SMAD3: variants seen among roughly 807,000 people sequenced by gnomAD.
SMAD3 encodes SMAD family member 3.
In SMAD3, 12 loss-of-function variants were observed where a neutral mutation model predicts 51.8. That is an observed-to-expected ratio of 0.23 (90% CI 0.15 to 0.38). The LOEUF (loss-of-function observed/expected upper bound fraction) is 0.38. Ranked by LOEUF, SMAD3 falls within the 10% of genes least tolerant of loss-of-function variation. The pLI, the probability that SMAD3 is intolerant of heterozygous loss-of-function variation, is 1.00. For synonymous variants in SMAD3, 238 were observed against 227.7 expected (o/e 1.05, Z -0.41); for missense variants, 294 against 565.6 (o/e 0.52, Z 4.87).
intron 1 of SMAD3, among the ~76,000 whole-genome samples, chr15:67,103,326 T>G (rs1380938436): frequency 1.3e-5 from 2 of 152,200 alleles, no homozygotes; most frequent in African/African-American, 4.8e-5. Context: ...GGGACTCACT[T>G]CACATCACTC....
intron 7 of SMAD3, chr15:67,186,990 T>A (rs1312466702): frequency 4.4e-6 from 2 of 459,266 alleles, no homozygotes; most frequent in East Asian, 1.3e-4. Context: ...AGGTCCCTTA[T>A]CTCTCTGTCC....
At chr15:67,100,839 T>C (rs1009094023) in intron 1 of SMAD3, among the ~76,000 whole-genome samples, 1 of 152,192 alleles carries the variant, frequency 6.6e-6, no homozygotes, top group Non-Finnish European at 1.5e-5. Context: ...AGTGACTTGC[T>C]CAAGGGCACA....
At position 67,065,693 on chromosome 15, in the gene SMAD3, A is replaced by C. The variant is rs1216019189; in HGVS notation, c.-462A>C. On this transcript the variant is annotated 5_prime_UTR_variant, in exon 1 of 9. Coordinates refer to ENST00000327367, the MANE Select transcript of SMAD3 (RefSeq NM_005902.4). ...AGCGAGCGAGCGGCGAGCCGGGAGG[A>C]GGAGGGTGGCGGGGCGGTGAGGCCG... Among the ~76,000 whole-genome samples the C allele has an allele frequency of 1.3e-5, 2 of 150,270 alleles. No individual in the cohort carries two copies. Among genetic ancestry groups the C allele is most frequent in the South Asian group, 2.1e-4 (1 of 4,760 alleles).
intron 1 of SMAD3, among the ~76,000 whole-genome samples, chr15:67,161,882 G>C (rs751374977): frequency 3.9e-5 from 6 of 152,148 alleles, no homozygotes; most frequent in African/African-American, 7.2e-5. Flanking sequence ...TAGGAGAGTA[G>C]AACCCTCCTT....
chr15:67,192,818 C>T lies in SMAD3; in HGVS notation c.*2282C>T, dbSNP rs12595334. 52,290 of 233,046 alleles carry T rather than the reference C, an allele frequency of 0.22. 7,183 individuals carry two copies. The highest frequency in any genetic ancestry group is 0.47 in the East Asian group (7,883 of 16,678). 14.4% of individuals were successfully genotyped at this position (233,046 alleles called of 1,614,324 possible). ...ATGAACTTTGAATGTGATGAAATGA[C>T]ACGTTTGGCTGCATTTGGATGGTGT... On this transcript the variant is annotated 3_prime_UTR_variant, in exon 9 of 9. Transcript: ENST00000327367.
At chr15:67,141,026 C>T (rs373114921) in intron 1 of SMAD3, among the ~76,000 whole-genome samples, 29 of 152,156 alleles carry the variant, frequency 1.9e-4, no homozygotes, top group Admixed American at 2.0e-4. Flanking sequence ...ATTTTAAAAA[C>T]GCTCTGCAGG....
chr15:67,162,478 C>T (rs748865254), intron 1 of SMAD3, among the ~76,000 whole-genome samples: 17 of 152,210 alleles, frequency 1.1e-4, no homozygotes, highest in South Asian at 2.1e-4. Flanking sequence ...GTTGGTCACA[C>T]GTAGCCAGAG....
intron 1 of SMAD3, among the ~76,000 whole-genome samples, chr15:67,095,995 G>T (rs1259327738): frequency 1.3e-5 from 2 of 152,244 alleles, no homozygotes; most frequent in East Asian, 1.9e-4. Flanking sequence ...GGAGTTGAGT[G>T]AGAGTCAAAG....
intron 1 of SMAD3, among the ~76,000 whole-genome samples, chr15:67,099,579 G>GA (rs1464314507): frequency 1.3e-5 from 2 of 152,146 alleles, no homozygotes; most frequent in Non-Finnish European, 2.9e-5. Context: ...AGAACTGGGG[G>GA]AATATGTAAT....
chr15:67,105,323 T>G (rs929787687), intron 1 of SMAD3, among the ~76,000 whole-genome samples: 9 of 151,724 alleles, frequency 5.9e-5, no homozygotes, highest in Admixed American at 4.6e-4. Flanking sequence ...TCAGGCAGGA[T>G]GGGTAGGGAG....
At chr15:67,113,266 A>ATTTTTTTTTT (rs1961064164) in intron 1 of SMAD3, among the ~76,000 whole-genome samples, 1 of 83,614 alleles carries the variant, frequency 1.2e-5, no homozygotes, top group African/African-American at 4.9e-5. Flanking sequence ...TTTTTTTTGT[A>ATTTTTTTTTT]TTTTTAGTAG....
Position 67,194,174 on chromosome 15 carries a change from G to A in SMAD3, c.*3638G>A, listed in dbSNP as rs991185519. ...AAATAAACGTGTCCCCATTTTACCA[G>A]AACCAAACCTCAACACAGCGAAGCT... On this transcript the variant is annotated 3_prime_UTR_variant, in exon 9 of 9. Coordinates refer to ENST00000327367, the MANE Select transcript of SMAD3 (RefSeq NM_005902.4). The A allele has an allele frequency of 1.3e-5, 3 of 233,386 alleles. No individual in the cohort carries two copies. The highest frequency in any genetic ancestry group is 2.2e-5 in the African/African-American group (1 of 45,358). 14.5% of individuals were successfully genotyped at this position (233,386 alleles called of 1,614,324 possible).
intron 6 of SMAD3, among the ~76,000 whole-genome samples, chr15:67,183,545 G>C (rs1189733137): frequency 1.3e-5 from 2 of 152,130 alleles, no homozygotes; most frequent in African/African-American, 4.8e-5. Context: ...ACAGTAGTGG[G>C]AATAGGAGGC....
chr15:67,186,457 C>G (rs1963224133), intron 7 of SMAD3, among the ~76,000 whole-genome samples: 1 of 152,174 alleles, frequency 6.6e-6, no homozygotes, highest in Non-Finnish European at 1.5e-5. Flanking sequence ...TATACAGAGA[C>G]ACAGGGTCCC....
chr15:67,184,886 C>G (rs1221045566), intron 7 of SMAD3, 22 bp downstream of exon 7: 8 of 1,612,140 alleles, frequency 5.0e-6, no homozygotes, highest in Non-Finnish European at 6.8e-6. Flanking sequence ...GCACAGGCAC[C>G]CCTGCCTTGA....
intron 1 of SMAD3, among the ~76,000 whole-genome samples, chr15:67,119,860 G>C: frequency 6.6e-6 from 1 of 152,090 alleles, no homozygotes; most frequent in Non-Finnish European, 1.5e-5. Flanking sequence ...GCAGTGGTGC[G>C]ATCACAGCTC....
chr15:67,186,373 T>C (rs1157818934), intron 7 of SMAD3, among the ~76,000 whole-genome samples: 1 of 152,194 alleles, frequency 6.6e-6, no homozygotes, highest in Non-Finnish European at 1.5e-5. Context: ...GGGTGAGGGC[T>C]GAGTTGGCTG....
intron 1 of SMAD3, among the ~76,000 whole-genome samples, chr15:67,161,253 G>T (rs1255675880): frequency 6.6e-6 from 1 of 152,138 alleles, no homozygotes; most frequent in Non-Finnish European, 1.5e-5. Context: ...AACTATTTCT[G>T]GACTCTGTTA....
chr15:67,090,084 G>T (rs1022563748), intron 1 of SMAD3, among the ~76,000 whole-genome samples: 3 of 152,218 alleles, frequency 2.0e-5, no homozygotes, highest in African/African-American at 7.2e-5. Context: ...GGCACACCCA[G>T]GCCGAGTGGA....
Sources: allele counts gnomAD v4.1 joint callset (sites outside exome capture counted in the v4.1 genomes callset), GRCh38; gene constraint gnomAD v4.1.1; transcripts MANE v1.5; gene names NCBI Gene and HGNC (gene_info 2026-07-23, HGNC 2026-07-21).